The following GRHL1 variants were observed in gnomAD, a reference collection of about 807,000 sequenced individuals.
The protein encoded by GRHL1 is grainyhead-like protein 1 homolog.
Under a neutral mutation model 75.7 loss-of-function variants are expected in GRHL1, and 38 were observed. The observed-to-expected ratio is 0.50, with a 90% CI of 0.39 to 0.66. GRHL1 has a LOEUF of 0.66. Among genes scored for constraint, GRHL1 ranks in the 30% least tolerant of loss-of-function variants. The pLI is 0.00. For synonymous variants in GRHL1, 266 were observed against 279.4 expected (o/e 0.95, Z 0.48); for missense variants, 589 against 767.5 (o/e 0.77, Z 2.75).
intron 3 of GRHL1, chr2:9,959,191 A>C (rs892081207): frequency 6.1e-6 from 1 of 165,158 alleles, no homozygotes; most frequent in African/African-American, 2.4e-5. Context: ...AAAAAAATTA[A>C]GCACCAGTGA....
In GRHL1 at chr2:9,983,414, A is replaced by G. The variant is rs565484317; in HGVS notation, c.1111-2710A>G. Among the ~76,000 whole-genome samples the G allele has an allele frequency of 5.9e-5, 9 of 152,316 alleles. No individual in the cohort carries two copies. In the South Asian group the frequency reaches 1.2e-3, roughly 21 times the overall value. ...ATTTTTTAGAATAAGAGAGAAATGT[A>G]TATCAGTAAGAGACTGCAAATCATC... is the stretch of plus-strand genomic sequence containing the variant. On this transcript the variant is annotated intron_variant, in intron 8 of 15. Coordinates refer to ENST00000324907, the MANE Select transcript of GRHL1 (RefSeq NM_198182.3).
Position 9,994,310 on chromosome 2 carries a change from A to AATTATTATTATTATT in GRHL1, c.1499+1094_1499+1108dup, listed in dbSNP as rs70948860. Among the ~76,000 whole-genome samples, 36 of 139,180 alleles carry AATTATTATTATTATT rather than the reference A, an allele frequency of 2.6e-4. 1 individual carries two copies. Among genetic ancestry groups the AATTATTATTATTATT allele is most frequent in the South Asian group, 2.2e-3 (9 of 4,042 alleles). The allele number at this position is 139,180 out of a possible 152,430, so 91.3% of individuals were successfully genotyped here. A position where few individuals can be genotyped will look rare whatever the true frequency, so the allele number is the denominator to read the frequency against. The stretch of plus-strand genomic sequence containing the variant: ...CAGGCACATGCCACCACACCCATCT[A>AATTATTATTATTATT]ATTATTATTATTATTATTATTATTA... On this transcript the variant is annotated intron_variant, in intron 12 of 15. Transcript: ENST00000324907.
At position 9,996,374 on chromosome 2, in the gene GRHL1, C is replaced by A. The variant is rs1159890970; in HGVS notation, c.1650C>A (p.Thr550=). The A allele has an allele frequency of 1.9e-6, 3 of 1,612,084 alleles. No homozygotes were observed. The South Asian group carries it at 3.3e-5, about 18-fold the overall frequency. The change falls in exon 14 of 16, where the codon ACC becomes ACA. Residue 550 remains threonine, a synonymous_variant. Transcript: ENST00000324907. The part of the protein sequence containing the change: ...EEVFDALMLK[T]PSLKGLMEAI... ...TCTTTGATGCCCTGATGCTCAAAAC[C>A]CCATCTTTGAAGGGCTTGATGGAAG...
At chr2:9,989,402 T>C (rs1668548999) in intron 9 of GRHL1, among the ~76,000 whole-genome samples, 1 of 152,222 alleles carries the variant, frequency 6.6e-6, no homozygotes. Context: ...TTTTTAAATA[T>C]GCTTCATTGC....
intron 8 of GRHL1, among the ~76,000 whole-genome samples, chr2:9,985,611 G>C (rs896756624): frequency 5.9e-5 from 9 of 152,246 alleles, no homozygotes; most frequent in African/African-American, 2.2e-4. Flanking sequence ...AAGATTGAGA[G>C]AGAACTTTAT....
intron 8 of GRHL1, among the ~76,000 whole-genome samples, chr2:9,976,071 T>C (rs144821716): frequency 6.6e-6 from 1 of 152,142 alleles, no homozygotes; most frequent in Non-Finnish European, 1.5e-5. Context: ...GCATGTAGTT[T>C]TATTTGGCTG....
At position 9,995,961 on chromosome 2, in the gene GRHL1, C is replaced by T. The variant is rs1271419346; in HGVS notation, c.1582C>T (p.Pro528Ser). The change falls in exon 13 of 16, where the codon CCA becomes TCA. Residue 528 changes from proline (P) to serine (S), a missense_variant. Pro to Ser is a moderately conservative substitution (Grantham distance 74). Around this residue, in one of 5 missense-constraint regions of GRHL1, gnomAD observed 192 missense variants for 226.6 expected, o/e 0.85. Coordinates refer to ENST00000324907, the MANE Select transcript of GRHL1 (RefSeq NM_198182.3). ...TACCAAGCTGGCCCGGATAGAAGAA[C>T]CAAAGAGAGGTGTGTTCGTTTCCAT... ...PSTKLARIEEPKRVLLYVRKE... is the reference protein window; with the variant it reads ...PSTKLARIEESKRVLLYVRKE... The T allele has an allele frequency of 3.8e-6, 6 of 1,593,284 alleles. No homozygotes were observed. The highest frequency in any genetic ancestry group is 3.4e-6 in the Non-Finnish European group (4 of 1,161,120).
In GRHL1 at chr2:9,951,814, G is replaced by A. The variant is rs758930730; in HGVS notation, c.-20G>A. 1 of 1,529,336 alleles carries A rather than the reference G, an allele frequency of 6.5e-7. No individual in the cohort carries two copies. The highest frequency in any genetic ancestry group is 1.9e-5 in the Admixed American group (1 of 51,530). 94.7% of individuals were successfully genotyped at this position (1,529,336 alleles called of 1,614,324 possible). ...ACCCGAAAGTCCAGTTCTGCGGCCC[G>A]GCAGCGGCGAGCGGGCGCGATGACA... On this transcript the variant is annotated 5_prime_UTR_variant, in exon 1 of 16. Transcript: ENST00000324907. This position sits in a 1 kb window ranked among gnomAD's most constrained non-coding sequence, Gnocchi z 4.2.
intron 8 of GRHL1, among the ~76,000 whole-genome samples, chr2:9,974,761 G>C: frequency 6.6e-6 from 1 of 152,256 alleles, no homozygotes; most frequent in Middle Eastern, 3.2e-3. Context: ...CAGGGAGTCA[G>C]CTTCCCGAAC....
chr2:9,991,940 C>A, intron 10 of GRHL1, 67 bp from the exon 11 acceptor site: 2 of 1,286,948 alleles, frequency 1.6e-6, no homozygotes, highest in South Asian at 1.4e-5. Context: ...CACTCTGTGG[C>A]CTGCATCCAG....
intron 8 of GRHL1, among the ~76,000 whole-genome samples, chr2:9,970,340 A>G (rs1667671576): frequency 1.3e-5 from 2 of 151,750 alleles, no homozygotes; most frequent in African/African-American, 4.9e-5. Context: ...AAGTGGCGTC[A>G]GAGAAGTAGA....
At chr2:9,986,010 G>C (rs2125236027) in intron 8 of GRHL1, 114 bp from the exon 9 acceptor site, 5 of 698,036 alleles carry the variant, frequency 7.2e-6, no homozygotes, top group South Asian at 2.8e-5. Context: ...ATGAGAAGCT[G>C]AGCTTCTCAT....
intron 8 of GRHL1, among the ~76,000 whole-genome samples, chr2:9,981,418 G>A (rs752345026): frequency 1.3e-5 from 2 of 152,214 alleles, no homozygotes; most frequent in Admixed American, 6.5e-5. Context: ...TTACTCCATC[G>A]TGATGATGTA....
At chr2:9,995,765 A>G in intron 12 of GRHL1, 114 bp from the exon 13 acceptor site, 2 of 681,528 alleles carry the variant, frequency 2.9e-6, no homozygotes, top group Non-Finnish European at 5.2e-6. Flanking sequence ...AAGCTGGACC[A>G]GATAAAGAAT....
chr2:9,951,955 C>CGGGCGCG lies in GRHL1; in HGVS notation c.20+110_20+116dup, dbSNP rs1427777056. On this transcript the variant is annotated intron_variant, in intron 1 of 15. Transcript: ENST00000324907. The surrounding 1 kb of genome is among the most constrained non-coding windows in gnomAD (Gnocchi z 4.2). ...GCAGACCCGAGGCCGCGCGGGCGGG[C>CGGGCGCG]GGGCGCGGGGCGCGAGCCGGGGGCC... The CGGGCGCG allele has an allele frequency of 1.1e-5, 8 of 698,362 alleles. No homozygotes were observed. Among genetic ancestry groups the CGGGCGCG allele is most frequent in the Admixed American group, 6.0e-5 (1 of 16,718 alleles). 43.3% of individuals were successfully genotyped at this position (698,362 alleles called of 1,614,324 possible).
At chr2:9,964,605 G>A (rs1667411291) in intron 7 of GRHL1, 1 of 372,264 alleles carries the variant, frequency 2.7e-6, no homozygotes, top group African/African-American at 2.1e-5. Flanking sequence ...TGGCTAACCT[G>A]AGAATGTCCC....
intron 8 of GRHL1, among the ~76,000 whole-genome samples, chr2:9,976,145 A>G (rs1483224211): frequency 6.6e-6 from 1 of 152,214 alleles, no homozygotes; most frequent in Non-Finnish European, 1.5e-5. Context: ...GGCACTGCCA[A>G]GATGCTCTTG....
Position 9,993,191 on chromosome 2 carries a change from ATTCC to A in GRHL1, c.1462-13_1462-10del. ...TGAGCATACATTTGAAAAGCAATCT[ATTCC>A]TTTGGTCTTAGGTCCTTCCCATTGC... On this transcript the variant is annotated splice_polypyrimidine_tract_variant and intron_variant, in intron 11 of 15. Transcript: ENST00000324907. 6.3e-7 allele frequency: 1 copy of A among 1,585,508 alleles called. No individual in the cohort carries two copies. The highest frequency in any genetic ancestry group is 2.2e-5 in the East Asian group (1 of 44,736).
At chr2:9,955,753 A>C (rs1245604277) in intron 2 of GRHL1, among the ~76,000 whole-genome samples, 3 of 152,250 alleles carry the variant, frequency 2.0e-5, no homozygotes, top group Admixed American at 2.0e-4. Flanking sequence ...CTCAGAGGTC[A>C]CAGCTAGGAT....
Sources: allele counts gnomAD v4.1 joint callset (sites outside exome capture counted in the v4.1 genomes callset), GRCh38; gene constraint gnomAD v4.1.1; regional missense constraint gnomAD v4.1.1; non-coding constraint Gnocchi (gnomAD v3.1); transcripts MANE v1.5; gene names NCBI Gene and HGNC (gene_info 2026-07-23, HGNC 2026-07-21).